SLCO1B1: variants seen among roughly 807,000 people sequenced by gnomAD.
SLCO1B1 encodes the protein solute carrier organic anion transporter family member 1B1.
In SLCO1B1, 81 loss-of-function variants were observed where a neutral mutation model predicts 70.1. The observed-to-expected ratio is 1.16, with a 90% CI of 0.97 to 1.39. The LOEUF (loss-of-function observed/expected upper bound fraction) is 1.39, where lower values mean the gene tolerates loss of function less well. SLCO1B1 is among the 40% of genes most tolerant of loss of function. The pLI is 0.00. For missense variants in SLCO1B1, 895 were observed against 799.6 expected (o/e 1.12, Z -1.44); for synonymous variants, 283 against 271.5 (o/e 1.04, Z -0.42).
intron 11 of SLCO1B1, among the ~76,000 whole-genome samples, chr12:21,215,246 G>A (rs943980643): frequency 6.6e-6 from 1 of 152,180 alleles, no homozygotes; most frequent in Non-Finnish European, 1.5e-5. Flanking sequence ...GGGCATTCAT[G>A]CTTTGCTCCT....
At chr12:21,187,778 A>G (rs1324603420) in intron 7 of SLCO1B1, among the ~76,000 whole-genome samples, 1 of 152,204 alleles carries the variant, frequency 6.6e-6, no homozygotes, top group Non-Finnish European at 1.5e-5. Flanking sequence ...GCCAATCAAG[A>G]AAATTATGAA....
chr12:21,158,628 A>AACCCTT (rs1940573190), intron 2 of SLCO1B1, among the ~76,000 whole-genome samples: 1 of 152,126 alleles, frequency 6.6e-6, no homozygotes, highest in Non-Finnish European at 1.5e-5. Context: ...CAGGAGGCAG[A>AACCCTT]GGTTGCAGTG....
chr12:21,211,181 G>A (rs1177776129), intron 11 of SLCO1B1, among the ~76,000 whole-genome samples: 1 of 152,146 alleles, frequency 6.6e-6, no homozygotes, highest in Non-Finnish European at 1.5e-5. Flanking sequence ...CATTCAGTAT[G>A]ATATTGGCTG....
intron 12 of SLCO1B1, among the ~76,000 whole-genome samples, chr12:21,222,030 C>A (rs1048532057): frequency 6.6e-6 from 1 of 151,994 alleles, no homozygotes; most frequent in Non-Finnish European, 1.5e-5. Context: ...GTTCTAACCA[C>A]TTCCTCATAG....
chr12:21,163,266 A>G (rs1021419764), intron 2 of SLCO1B1, among the ~76,000 whole-genome samples: 1 of 152,094 alleles, frequency 6.6e-6, no homozygotes, highest in Non-Finnish European at 1.5e-5. Context: ...TTATATCAAT[A>G]CTTATGAAGA....
chr12:21,165,783 C>T (rs1940676962), intron 2 of SLCO1B1, among the ~76,000 whole-genome samples: 1 of 151,316 alleles, frequency 6.6e-6, no homozygotes, highest in Non-Finnish European at 1.5e-5. Flanking sequence ...AGGAGAGGGC[C>T]CTCACCAGAA....
chr12:21,204,844 GGTCA>G (rs1240375112), intron 10 of SLCO1B1, among the ~76,000 whole-genome samples: 4 of 151,698 alleles, frequency 2.6e-5, no homozygotes, highest in Admixed American at 2.0e-4. Context: ...GCAGGCAAAG[GGTCA>G]GTAATTCCAT....
chr12:21,215,076 C>A (rs1008265983), intron 11 of SLCO1B1, among the ~76,000 whole-genome samples: 1 of 152,220 alleles, frequency 6.6e-6, no homozygotes, highest in Non-Finnish European at 1.5e-5. Flanking sequence ...ATTCGGCCAT[C>A]TTGGCTCCTC....
intron 7 of SLCO1B1, among the ~76,000 whole-genome samples, chr12:21,185,716 AAAAT>A (rs1179512587): frequency 1.3e-5 from 2 of 152,062 alleles, no homozygotes; most frequent in African/African-American, 4.8e-5. Context: ...AAGCAAACTG[AAAAT>A]AAATAACGAA....
chr12:21,214,801 A>T (rs1229941887), intron 11 of SLCO1B1, among the ~76,000 whole-genome samples: 2 of 152,132 alleles, frequency 1.3e-5, no homozygotes, highest in East Asian at 3.9e-4. Flanking sequence ...AAAGCGCAGT[A>T]TTCGGGTGGG....
chr12:21,135,853 A>G (rs1347349812), intron 1 of SLCO1B1, among the ~76,000 whole-genome samples: 1 of 152,092 alleles, frequency 6.6e-6, no homozygotes, highest in African/African-American at 2.4e-5. Flanking sequence ...TAATATTGTT[A>G]TGTGTGAATT....
intron 2 of SLCO1B1, among the ~76,000 whole-genome samples, chr12:21,162,075 AT>A (rs570404766): frequency 4.0e-5 from 6 of 151,676 alleles, no homozygotes; most frequent in African/African-American, 9.7e-5. Flanking sequence ...TCTAGGAACA[AT>A]TTTTTAAAAT....
intron 14 of SLCO1B1, among the ~76,000 whole-genome samples, chr12:21,226,800 CTG>C (rs1565444530): frequency 6.6e-6 from 1 of 151,902 alleles, no homozygotes; most frequent in Admixed American, 6.6e-5. Flanking sequence ...ATAGGGGAAA[CTG>C]TATGTGTGGG....
intron 11 of SLCO1B1, among the ~76,000 whole-genome samples, chr12:21,214,653 T>TC (rs1941334584): frequency 6.7e-6 from 1 of 150,074 alleles, no homozygotes; most frequent in Admixed American, 6.6e-5. Context: ...CGGGCGCCCC[T>TC]CCCCCAGCCT....
intron 11 of SLCO1B1, among the ~76,000 whole-genome samples, chr12:21,209,579 T>C (rs1048808652): frequency 6.6e-6 from 1 of 152,202 alleles, no homozygotes; most frequent in Non-Finnish European, 1.5e-5. Context: ...TACCCAGTAA[T>C]GGGATGGCTG....
Position 21,193,569 on chromosome 12 carries a change from C to T in SLCO1B1, c.728-3377C>T, listed in dbSNP as rs182645434. ...TCATTTTATAATGTCCTTTTTGCAA[C>T]TTGAGACAGTTTTTTACTTAAACTC... On this transcript the variant is annotated intron_variant, in intron 7 of 14. Coordinates refer to ENST00000256958, the MANE Select transcript of SLCO1B1 (RefSeq NM_006446.5). Among the ~76,000 whole-genome samples the T allele has an allele frequency of 2.0e-5, 3 of 152,148 alleles. No homozygotes were observed. In the East Asian group the frequency reaches 5.8e-4, roughly 29 times the overall value.
chr12:21,195,457 T>C (rs1175547935), intron 7 of SLCO1B1, among the ~76,000 whole-genome samples: 1 of 152,150 alleles, frequency 6.6e-6, no homozygotes, highest in Admixed American at 6.5e-5. Flanking sequence ...CTTTTTTACC[T>C]CCTCACTCTG....
chr12:21,233,509 A>T (rs1452510762), intron 14 of SLCO1B1, among the ~76,000 whole-genome samples: 2 of 123,782 alleles, frequency 1.6e-5, no homozygotes, highest in African/African-American at 5.9e-5. Flanking sequence ...CTTCCTACTA[A>T]TTAGAGCTAA....
intron 14 of SLCO1B1, among the ~76,000 whole-genome samples, chr12:21,226,627 G>T (rs139751764): frequency 1.4e-4 from 22 of 152,022 alleles, no homozygotes; most frequent in Non-Finnish European, 2.9e-4. Context: ...TATCATGTTG[G>T]ATACATGATG....
Sources: allele counts gnomAD v4.1 joint callset (sites outside exome capture counted in the v4.1 genomes callset), GRCh38; gene constraint gnomAD v4.1.1; transcripts MANE v1.5; gene names NCBI Gene and HGNC (gene_info 2026-07-23, HGNC 2026-07-21).